The following NAV2 variants were observed in gnomAD, a reference collection of about 807,000 sequenced individuals.
The protein encoded by NAV2 is neuron navigator 2.
Under a neutral mutation model 223.2 loss-of-function variants are expected in NAV2, and 54 were observed. That is an observed-to-expected ratio of 0.24 (90% CI 0.19 to 0.30). NAV2 has a LOEUF of 0.30. Ranked by LOEUF, NAV2 falls within the 10% of genes least tolerant of loss-of-function variation. The probability of loss-of-function intolerance (pLI) is 1.00; values close to 1 mark genes in which losing one functional copy is unlikely to be tolerated. For missense variants in NAV2, 2,806 were observed against 3,147.5 expected, an observed-to-expected ratio of 0.89 and a Z score of 2.60; for synonymous variants, 1,279 against 1,239.3, an observed-to-expected ratio of 1.03 and a Z score of -0.67.
intron 4 of NAV2, 94 bp downstream of exon 4, chr11:19,869,091 A>T: frequency 8.1e-7 from 1 of 1,228,330 alleles, no homozygotes; most frequent in Non-Finnish European, 1.2e-6. Context: ...ATGACAAGGG[A>T]TGCTTGTGGG....
chr11:19,492,788 G>T (rs1207358571), intron 1 of NAV2, among the ~76,000 whole-genome samples: 1 of 152,090 alleles, frequency 6.6e-6, no homozygotes, highest in African/African-American at 2.4e-5. Context: ...AATGCTTAAA[G>T]TCACATGGAC....
chr11:19,345,571 C>A, the NAV2 span, among the ~76,000 whole-genome samples: 1 of 152,176 alleles, frequency 6.6e-6, no homozygotes, highest in African/African-American at 2.4e-5. The surrounding 1 kb of genome is among the most constrained non-coding windows in gnomAD (Gnocchi z 5.2). Flanking sequence ...GCCACCCGGC[C>A]GCAGCATAGA....
chr11:20,082,527 T>C lies in NAV2; in HGVS notation c.5326-480T>C, dbSNP rs149288375. 1.0e-4 allele frequency: 160 copies of C among 1,560,108 alleles called. 1 individual carries two copies. The African/African-American group carries it at 1.9e-3, about 19-fold the overall frequency. On this transcript the variant is annotated intron_variant, in intron 25 of 37. Transcript: ENST00000349880. The stretch of plus-strand genomic sequence containing the variant: ...CCGAAGCTTTCCCTGTCACTGGCTT[T>C]CTCTGTTAAAAAATTGTCTTTTTTC...
chr11:19,523,527 C>T (rs1044684402), intron 1 of NAV2, among the ~76,000 whole-genome samples: 1 of 152,304 alleles, frequency 6.6e-6, no homozygotes, highest in African/African-American at 2.4e-5. Flanking sequence ...TGAAGTTCTG[C>T]CTGAAGCTGG....
intron 11 of NAV2, among the ~76,000 whole-genome samples, chr11:20,019,744 G>A (rs1194409201): frequency 6.6e-6 from 1 of 151,964 alleles, no homozygotes; most frequent in East Asian, 1.9e-4. Flanking sequence ...ATGGAAACCC[G>A]GGATGAGGCC....
chr11:19,803,010 CAG>C (rs937252675), intron 1 of NAV2, among the ~76,000 whole-genome samples: 4 of 152,186 alleles, frequency 2.6e-5, no homozygotes, highest in Admixed American at 6.5e-5. Flanking sequence ...TGTTCTTGCA[CAG>C]AGACGGTTGT....
chr11:19,971,171 C>T (rs2049204549), intron 10 of NAV2, among the ~76,000 whole-genome samples: 1 of 152,146 alleles, frequency 6.6e-6, no homozygotes, highest in Admixed American at 6.5e-5. Flanking sequence ...TCTGGCCCCA[C>T]AGGCACGTTT....
intron 1 of NAV2, among the ~76,000 whole-genome samples, chr11:19,392,860 A>G (rs779190228): frequency 1.3e-5 from 2 of 152,236 alleles, no homozygotes; most frequent in Non-Finnish European, 2.9e-5. Flanking sequence ...GAGCAGCCTT[A>G]GGAAGTATGT....
At chr11:19,721,163 T>C (rs960819929) in intron 1 of NAV2, among the ~76,000 whole-genome samples, 4 of 152,236 alleles carry the variant, frequency 2.6e-5, no homozygotes, top group African/African-American at 9.6e-5. Context: ...TTTGAAAAAA[T>C]ATCTGAAAAA....
intron 1 of NAV2, among the ~76,000 whole-genome samples, chr11:19,523,300 C>T (rs2043732868): frequency 6.6e-6 from 1 of 152,184 alleles, no homozygotes; most frequent in Non-Finnish European, 1.5e-5. Flanking sequence ...TTCCCTTGAC[C>T]AGGAAAGCCT....
chr11:19,683,641 T>A (rs999997266), intron 1 of NAV2, among the ~76,000 whole-genome samples: 4 of 152,244 alleles, frequency 2.6e-5, no homozygotes, highest in Admixed American at 2.6e-4. Flanking sequence ...CCTGCCTCAG[T>A]AGAGCAGAGC....
In NAV2 at chr11:19,540,574, C is replaced by T. The variant is rs562616014; in HGVS notation, c.75+189547C>T. On this transcript the variant is annotated intron_variant, in intron 1 of 37. Coordinates refer to the NAV2 transcript ENST00000360655. ...ATTTAACCCTCCAACCCTCCCCATC[C>T]CCTGCAGGGGCTATTAGCTCCAAAG... is the stretch of plus-strand genomic sequence containing the variant. Among the ~76,000 whole-genome samples the T allele has an allele frequency of 3.9e-5, 6 of 152,280 alleles. No homozygotes were observed. In the East Asian group the frequency reaches 1.2e-3, roughly 29 times the overall value.
chr11:20,085,221 T>G (rs935480061), intron 26 of NAV2, among the ~76,000 whole-genome samples: 1 of 151,092 alleles, frequency 6.6e-6, no homozygotes, highest in African/African-American at 2.4e-5. Context: ...GTTAAACAGA[T>G]TCTCCACCCC....
intron 1 of NAV2, among the ~76,000 whole-genome samples, chr11:19,611,378 C>T (rs1412502362): frequency 6.6e-6 from 1 of 152,108 alleles, no homozygotes; most frequent in Non-Finnish European, 1.5e-5. Context: ...TCATTCCTTC[C>T]CGACAGTCCC....
At chr11:19,553,896 C>G (rs2044774625) in intron 1 of NAV2, among the ~76,000 whole-genome samples, 1 of 152,198 alleles carries the variant, frequency 6.6e-6, no homozygotes, top group African/African-American at 2.4e-5. Flanking sequence ...GGTGGCAAAC[C>G]CCTCGTGGGC....
intron 25 of NAV2, among the ~76,000 whole-genome samples, chr11:20,082,145 G>A (rs2060131621): frequency 6.6e-6 from 1 of 152,124 alleles, no homozygotes; most frequent in East Asian, 1.9e-4. Flanking sequence ...ACAAATAGCT[G>A]AAACTCCTAA....
At chr11:19,756,896 T>C (rs750558620) in intron 1 of NAV2, among the ~76,000 whole-genome samples, 2 of 152,158 alleles carry the variant, frequency 1.3e-5, no homozygotes, top group African/African-American at 2.4e-5. Context: ...GAATTGCCCC[T>C]GGTACAGAGA....
intron 1 of NAV2, among the ~76,000 whole-genome samples, chr11:19,465,681 T>C (rs919850510): frequency 1.3e-5 from 2 of 152,210 alleles, no homozygotes; most frequent in African/African-American, 4.8e-5. Context: ...GCATAGTCAT[T>C]TGAGGATCCA....
chr11:19,483,368 G>T (rs187072184), intron 1 of NAV2, among the ~76,000 whole-genome samples: 8 of 152,298 alleles, frequency 5.3e-5, no homozygotes, highest in Admixed American at 5.2e-4. Context: ...TCACTTGGTA[G>T]CTATCTTAGT....
Sources: gnomAD v4.1 joint callset for allele counts (sites outside exome capture counted in the v4.1 genomes callset) on GRCh38, gnomAD v4.1.1 for gene constraint, Gnocchi (gnomAD v3.1) non-coding constraint, MANE v1.5 for transcripts, NCBI Gene and HGNC (gene_info 2026-07-23, HGNC 2026-07-21) for gene names.